Variants in PODN observed in about 807,000 individuals in gnomAD.
PODN encodes podocan proteoglycan.
In PODN, 40 loss-of-function variants were observed where a neutral mutation model predicts 52.7. The observed-to-expected ratio is 0.76, with a 90% CI of 0.59 to 0.99. PODN has a LOEUF of 0.99. Ranked by LOEUF, PODN falls within the 50% of genes least tolerant of loss-of-function variation. PODN has a pLI of 0.00. For missense variants in PODN, 720 were observed against 815.1 expected (o/e 0.88, Z 1.42); for synonymous variants, 396 against 377.9 (o/e 1.05, Z -0.56).
In PODN at chr1:53,069,957, C is replaced by T. The variant is rs867404031; in HGVS notation, c.102C>T (p.Gly34=). Reference sequence around the variant, plus strand: ...GGGCCCCAGGATTTGGCCGAAGTGGCGGCCACAGCCTGAGCCCCGAAGAGA... The same window carrying T: ...GGGCCCCAGGATTTGGCCGAAGTGGTGGCCACAGCCTGAGCCCCGAAGAGA... ...AVRAPGFGRS[G]GHSLSPEENE... Residue 34 remains glycine (G), a synonymous_variant, in exon 2 of 11, where the codon GGC becomes GGT. Coordinates refer to ENST00000312553, the MANE Select transcript of PODN (RefSeq NM_153703.5). 1.5e-5 allele frequency: 24 copies of T among 1,599,384 alleles called. No homozygotes were observed. The highest frequency in any genetic ancestry group is 3.4e-4 in the Middle Eastern group (2 of 5,936).
In PODN at chr1:53,069,975, C is replaced by G; in HGVS notation, c.120C>G (p.Pro40=). Residue 40 remains proline, a synonymous_variant, in exon 2 of 11, where the codon CCC becomes CCG. Coordinates refer to ENST00000312553, the MANE Select transcript of PODN (RefSeq NM_153703.5). ...GAAGTGGCGGCCACAGCCTGAGCCC[C>G]GAAGAGAACGAATTTGCGGAGGAGG... is the stretch of plus-strand genomic sequence containing the variant. ...FGRSGGHSLS[P]EENEFAEEEP... 1 of 1,609,116 alleles carries G rather than the reference C, an allele frequency of 6.2e-7. No individual in the cohort carries two copies. The highest frequency in any genetic ancestry group is 8.5e-7 in the Non-Finnish European group (1 of 1,178,314).
intron 9 of PODN, 63 bp downstream of exon 9, chr1:53,080,939 A>G: frequency 6.3e-7 from 1 of 1,586,630 alleles, no homozygotes; most frequent in African/African-American, 1.3e-5. Context: ...CCAACGGGAC[A>G]GTTGATGCAC....
chr1:53,072,522 A>G (rs1644134309), intron 3 of PODN, among the ~76,000 whole-genome samples: 1 of 152,202 alleles, frequency 6.6e-6, no homozygotes, highest in Admixed American at 6.5e-5. Context: ...CCCTTATATA[A>G]CATCCAACAT....
chr1:53,080,813 A>G lies in PODN; in HGVS notation c.1598A>G (p.Lys533Arg), dbSNP rs1007793925. Residue 533 changes from lysine to arginine, a missense_variant, in exon 9 of 11, where the codon AAG becomes AGG. Transcript: ENST00000312553. ...SLEYLYLQNN[K>R]ISAVPANAFD... ...GAGTACCTGTACCTGCAGAACAACA[A>G]GATTAGTGCGGTGCCCGCCAATGCC... The G allele has an allele frequency of 3.1e-6, 5 of 1,614,006 alleles. No homozygotes were observed. In the Admixed American group the frequency reaches 5.0e-5, roughly 16 times the overall value.
At chr1:53,083,899 C>T (rs745866528) in intron 10 of PODN, among the ~76,000 whole-genome samples, 15 of 152,020 alleles carry the variant, frequency 9.9e-5, no homozygotes, top group Non-Finnish European at 2.1e-4. Flanking sequence ...AGGACGTAGC[C>T]GTGGGAGGGG....
chr1:53,063,506 G>A (rs1643989952), intron 1 of PODN: 2 of 985,420 alleles, frequency 2.0e-6, no homozygotes, highest in South Asian at 4.7e-5. Flanking sequence ...CGAGGCAGGA[G>A]GGCTCATGGT....
intron 9 of PODN, among the ~76,000 whole-genome samples, chr1:53,081,285 C>T (rs760212334): frequency 1.3e-5 from 2 of 152,164 alleles, no homozygotes; most frequent in Admixed American, 6.5e-5. Context: ...TGGAGTGATT[C>T]GGGGGATGCA....
At chr1:53,075,669 C>G (rs1164378856) in intron 4 of PODN, among the ~76,000 whole-genome samples, 193 bp from the exon 5 acceptor site, 1 of 152,210 alleles carries the variant, frequency 6.6e-6, no homozygotes, top group East Asian at 1.9e-4. Context: ...GAATGCCAAG[C>G]TGAGTGCTGA....
intron 1 of PODN, among the ~76,000 whole-genome samples, chr1:53,064,991 C>T (rs935126853): frequency 6.6e-6 from 1 of 152,186 alleles, no homozygotes; most frequent in Non-Finnish European, 1.5e-5. Flanking sequence ...GACCAGGGAG[C>T]TCCCCTGTTC....
rs1644228084 is a variant in PODN, at chr1:53,078,419, C to T, written c.909C>T (p.Val303=). Residue 303 remains valine, a synonymous_variant, in exon 8 of 11, where the codon GTC becomes GTT. Coordinates refer to ENST00000312553, the MANE Select transcript of PODN (RefSeq NM_153703.5). ...TGTCCAGCAACAACCTGTCTCGGGTCCCAGCTGGGCTGCCGCGCAGCCTGG... is the reference window on the plus strand; with the variant it reads ...TGTCCAGCAACAACCTGTCTCGGGTTCCAGCTGGGCTGCCGCGCAGCCTGG... ...LDLSSNNLSR[V]PAGLPRSLVL... 1 of 1,613,412 alleles carries T rather than the reference C, an allele frequency of 6.2e-7. No individual in the cohort carries two copies. The highest frequency in any genetic ancestry group is 1.3e-5 in the African/African-American group (1 of 74,934).
rs1250522158 is a variant in PODN, at chr1:53,077,731, G to A, written c.785G>A (p.Ser262Asn). The change falls in exon 7 of 11, where the codon AGC becomes AAC. Residue 262 changes from serine to asparagine, a missense_variant. Transcript: ENST00000312553. ...KIPPGAFSEL[S>N]SLRELYLQNN... ...CCCCCGGGGGCCTTCAGCGAGCTGAGCAGCCTGCGCGAGCTATACCTGCAG... is the reference window on the plus strand; with the variant it reads ...CCCCCGGGGGCCTTCAGCGAGCTGAACAGCCTGCGCGAGCTATACCTGCAG... 1 of 1,613,724 alleles carries A rather than the reference G, an allele frequency of 6.2e-7. No individual in the cohort carries two copies. The highest frequency in any genetic ancestry group is 1.1e-5 in the South Asian group (1 of 91,076).
chr1:53,074,703 GC>G (rs758808031), intron 4 of PODN, 33 bp downstream of exon 4: 53 of 1,601,992 alleles, frequency 3.3e-5, no homozygotes, highest in Non-Finnish European at 4.4e-5. Context: ...GGGGGTTGCT[GC>G]CCTGTCCTCT....
chr1:53,079,414 C>T (rs993121801), intron 8 of PODN, among the ~76,000 whole-genome samples: 1 of 152,104 alleles, frequency 6.6e-6, no homozygotes, highest in African/African-American at 2.4e-5. Context: ...TCAGGAGGAC[C>T]GGGGGCCAGT....
chr1:53,070,392 A>G (rs1182090409), intron 2 of PODN, among the ~76,000 whole-genome samples: 1 of 152,208 alleles, frequency 6.6e-6, no homozygotes, highest in African/African-American at 2.4e-5. Flanking sequence ...TGATAGTACA[A>G]TAAAACCCAC....
chr1:53,084,241 G>T, intron 10 of PODN, among the ~76,000 whole-genome samples: 1 of 151,964 alleles, frequency 6.6e-6, no homozygotes, highest in East Asian at 1.9e-4. Flanking sequence ...ATGAGGGGCT[G>T]TGGAGTCCTG....
In PODN at chr1:53,065,550, C is replaced by T. The variant is rs541375975; in HGVS notation, c.-56+3242C>T. ...CTCTTCCTCCATTCCTGCAGTCCAG[C>T]ACCTCTCTCTCTGCCAGGGGCAGGC... On this transcript the variant is annotated intron_variant, in intron 1 of 10. Transcript: ENST00000312553. Among the ~76,000 whole-genome samples the T allele has an allele frequency of 2.6e-5, 4 of 152,336 alleles. No individual in the cohort carries two copies. In the East Asian group the frequency reaches 7.7e-4, roughly 29 times the overall value.
At position 53,077,716 on chromosome 1, in the gene PODN, C is replaced by T; in HGVS notation, c.770C>T (p.Ala257Val). 1.9e-6 allele frequency: 3 copies of T among 1,613,610 alleles called. No individual in the cohort carries two copies. The highest frequency in any genetic ancestry group is 4.5e-5 in the East Asian group (2 of 44,868). The stretch of plus-strand genomic sequence containing the variant: ...AAGCTGGAGAAGATCCCCCCGGGGG[C>T]CTTCAGCGAGCTGAGCAGCCTGCGC... ...NNKLEKIPPG[A>V]FSELSSLREL... The change falls in exon 7 of 11, where the codon GCC becomes GTC. Residue 257 changes from alanine to valine, a missense_variant. Coordinates refer to ENST00000312553, the MANE Select transcript of PODN (RefSeq NM_153703.5).
Position 53,069,910 on chromosome 1 carries a change from C to G in PODN, c.55C>G (p.Leu19Val), listed in dbSNP as rs772603192. ...LLLLLPPQLHLGPVLAVRAPG... is the reference protein window; with the variant it reads ...LLLLLPPQLHVGPVLAVRAPG... The stretch of plus-strand genomic sequence containing the variant: ...GCTGCTGCTGCCGCCACAGCTGCAC[C>G]TGGGACCTGTGCTTGCCGTGAGGGC... The change falls in exon 2 of 11, where the codon CTG becomes GTG. Residue 19 changes from leucine to valine, a missense_variant. Transcript: ENST00000312553. 3.2e-6 allele frequency: 5 copies of G among 1,572,390 alleles called. No homozygotes were observed. The highest frequency in any genetic ancestry group is 4.3e-6 in the Non-Finnish European group (5 of 1,159,394).
At position 53,075,990 on chromosome 1, in the gene PODN, T is replaced by C. The variant is rs765305046; in HGVS notation, c.581+19T>C. On this transcript the variant is annotated intron_variant, in intron 5 of 10. Coordinates refer to ENST00000312553, the MANE Select transcript of PODN (RefSeq NM_153703.5). ...ACTTGAGGTCAGAGGTCGGGGGTGG[T>C]CAGGGCTCGGGCTGGGGCAAGGGGA... 7.1e-6 allele frequency: 11 copies of C among 1,549,926 alleles called. No individual in the cohort carries two copies. Among genetic ancestry groups the C allele is most frequent in the Non-Finnish European group, 8.8e-6 (10 of 1,140,204 alleles).
Sources: gnomAD v4.1 joint callset for allele counts (sites outside exome capture counted in the v4.1 genomes callset) on GRCh38, gnomAD v4.1.1 for gene constraint, MANE v1.5 for transcripts, NCBI Gene and HGNC (gene_info 2026-07-23, HGNC 2026-07-21) for gene names.